The following SLC2A13 variants were observed in gnomAD, a reference collection of about 807,000 sequenced individuals.
The protein encoded by SLC2A13 is solute carrier family 2 member 13.
In SLC2A13, 32 loss-of-function variants were observed where a neutral mutation model predicts 64.4. The observed-to-expected ratio is 0.50, with a 90% CI of 0.37 to 0.67. SLC2A13 has a LOEUF of 0.67. SLC2A13 is among the 30% of genes least tolerant of loss of function. The pLI, the probability that SLC2A13 is intolerant of heterozygous loss-of-function variation, is 0.00. For missense variants in SLC2A13, 743 were observed against 829.2 expected, an observed-to-expected ratio of 0.90 and a Z score of 1.28; for synonymous variants, 338 against 327.1, an observed-to-expected ratio of 1.03 and a Z score of -0.36.
chr12:39,890,607 A>AT (rs536360466), intron 4 of SLC2A13, among the ~76,000 whole-genome samples: 26 of 152,178 alleles, frequency 1.7e-4, no homozygotes, highest in African/African-American at 6.0e-4. Flanking sequence ...AATTTGTGGG[A>AT]TTTTTTTCAT....
chr12:40,055,036 T>C (rs1948313559), intron 1 of SLC2A13, among the ~76,000 whole-genome samples: 1 of 152,214 alleles, frequency 6.6e-6, no homozygotes. Context: ...TCAGAATCCC[T>C]CGCTGTGGTT....
intron 3 of SLC2A13, among the ~76,000 whole-genome samples, chr12:40,016,383 T>G (rs1334581287): frequency 6.6e-6 from 1 of 152,222 alleles, no homozygotes; most frequent in Non-Finnish European, 1.5e-5. Context: ...CAGAACATTT[T>G]TGAGAACCAT....
chr12:39,812,398 CTTT>C (rs1942201296), intron 7 of SLC2A13, among the ~76,000 whole-genome samples: 1 of 111,384 alleles, frequency 9.0e-6, no homozygotes, highest in Non-Finnish European at 1.8e-5. Flanking sequence ...TTCTCTCTCT[CTTT>C]CTTCCTTCCT....
chr12:39,820,737 A>AG (rs1942475023), intron 7 of SLC2A13, among the ~76,000 whole-genome samples: 1 of 5,468 alleles, frequency 1.8e-4, no homozygotes, highest in Non-Finnish European at 3.0e-4. Flanking sequence ...ATATATATAT[A>AG]TATATATATA....
intron 6 of SLC2A13, among the ~76,000 whole-genome samples, chr12:39,859,140 C>T (rs1195743658): frequency 2.0e-5 from 3 of 152,042 alleles, no homozygotes; most frequent in African/African-American, 7.2e-5. Flanking sequence ...GATGAAGCCA[C>T]AGTTTGTCAA....
At chr12:40,073,360 T>G (rs1460824726) in intron 1 of SLC2A13, among the ~76,000 whole-genome samples, 4 of 152,042 alleles carry the variant, frequency 2.6e-5, no homozygotes, top group Non-Finnish European at 5.9e-5. Context: ...AAACAAACCA[T>G]GTATATATGT....
chr12:40,045,226 A>T (rs1948152967), intron 2 of SLC2A13, among the ~76,000 whole-genome samples: 1 of 152,110 alleles, frequency 6.6e-6, no homozygotes, highest in African/African-American at 2.4e-5. Flanking sequence ...AAATAAAACA[A>T]ATTTAAAATA....
chr12:39,761,713 C>A (rs369996491), intron 9 of SLC2A13, among the ~76,000 whole-genome samples: 26 of 151,974 alleles, frequency 1.7e-4, no homozygotes, highest in African/African-American at 5.5e-4. Flanking sequence ...GAAATGGAAT[C>A]TTTAGCAGGG....
chr12:39,862,496 G>A (rs1344340697), intron 6 of SLC2A13, among the ~76,000 whole-genome samples: 1 of 152,144 alleles, frequency 6.6e-6, no homozygotes, highest in Admixed American at 6.6e-5. Flanking sequence ...AACAATTTGT[G>A]CTCCCACTAA....
intron 3 of SLC2A13, among the ~76,000 whole-genome samples, chr12:40,012,409 AATTTATTCTTGTC>A (rs1229261337): frequency 6.6e-6 from 1 of 152,176 alleles, no homozygotes; most frequent in African/African-American, 2.4e-5. Flanking sequence ...TTAATTCTCT[AATTTATTCTTGTC>A]ATTTGGCAAG....
intron 4 of SLC2A13, among the ~76,000 whole-genome samples, chr12:39,884,481 CAAAT>C (rs1459959895): frequency 6.6e-6 from 1 of 152,132 alleles, no homozygotes; most frequent in Non-Finnish European, 1.5e-5. Flanking sequence ...TTCAATTAAA[CAAAT>C]ATTTAGACAT....
In SLC2A13 at chr12:39,895,741, C is replaced by CAT. The variant is rs200445865; in HGVS notation, c.1035-23782_1035-23781dup. ...ATGTATATGCGTGTATACGTACACACATGTATATGCGTGTATACGTACACA... is the reference window on the plus strand; with the variant it reads ...ATGTATATGCGTGTATACGTACACACATATGTATATGCGTGTATACGTACACA... On this transcript the variant is annotated intron_variant, in intron 4 of 9. Coordinates refer to ENST00000280871, the MANE Select transcript of SLC2A13 (RefSeq NM_052885.4). Among the ~76,000 whole-genome samples the CAT allele has an allele frequency of 2.9e-3, 19 of 6,552 alleles. 4 individuals carry two copies. The highest frequency in any genetic ancestry group is 5.1e-3 in the African/African-American group (8 of 1,568). 4.3% of individuals were successfully genotyped at this position (6,552 alleles called of 152,430 possible).
intron 7 of SLC2A13, among the ~76,000 whole-genome samples, chr12:39,811,907 T>TTCAA (rs1486112439): frequency 6.6e-6 from 1 of 152,218 alleles, no homozygotes; most frequent in Non-Finnish European, 1.5e-5. Flanking sequence ...AGTTTCTGTC[T>TTCAA]TTTATTGGAG....
At chr12:40,004,870 A>G (rs570952406) in intron 3 of SLC2A13, among the ~76,000 whole-genome samples, 1 of 152,356 alleles carries the variant, frequency 6.6e-6, no homozygotes, top group South Asian at 2.1e-4. Context: ...ATCATAAGAG[A>G]GAAAAATATA....
intron 7 of SLC2A13, among the ~76,000 whole-genome samples, chr12:39,809,282 T>C (rs1483694675): frequency 1.3e-5 from 2 of 152,242 alleles, no homozygotes; most frequent in Non-Finnish European, 2.9e-5. Flanking sequence ...ATGTCTATTT[T>C]ACCAACATCA....
chr12:39,808,270 A>T (rs1316013294), intron 7 of SLC2A13, among the ~76,000 whole-genome samples: 2 of 152,186 alleles, frequency 1.3e-5, no homozygotes, highest in African/African-American at 4.8e-5. Context: ...AGGTTACTGG[A>T]CATATCAGTA....
chr12:39,961,355 A>G (rs1196626204), intron 3 of SLC2A13, among the ~76,000 whole-genome samples: 1 of 152,182 alleles, frequency 6.6e-6, no homozygotes, highest in African/African-American at 2.4e-5. Flanking sequence ...CTGGGATTAC[A>G]GGCATGAGCC....
rs1018652031 is a variant in SLC2A13 at position 39,853,149 on chromosome 12, C to T, written c.1319+11613G>A. Reference sequence around the variant, plus strand: ...CATATTCAAGATCCTCCACCAGTAACAAAGCCATTGCCTAGTTACGCTCAC... The same window carrying T: ...CATATTCAAGATCCTCCACCAGTAATAAAGCCATTGCCTAGTTACGCTCAC... On this transcript the variant is annotated intron_variant, in intron 6 of 9. Transcript: ENST00000280871. Among the ~76,000 whole-genome samples the T allele has an allele frequency of 2.0e-5, 3 of 152,310 alleles. No homozygotes were observed. In the South Asian group the frequency reaches 6.2e-4, roughly 32 times the overall value.
intron 7 of SLC2A13, among the ~76,000 whole-genome samples, chr12:39,825,541 C>T (rs751361381): frequency 5.9e-5 from 9 of 152,060 alleles, no homozygotes; most frequent in Non-Finnish European, 1.0e-4. Flanking sequence ...CACAGAGGTT[C>T]GGAATTGGTT....
Sources: gnomAD v4.1 joint callset for allele counts (sites outside exome capture counted in the v4.1 genomes callset) on GRCh38, gnomAD v4.1.1 for gene constraint, MANE v1.5 for transcripts, NCBI Gene and HGNC (gene_info 2026-07-23, HGNC 2026-07-21) for gene names.